PLCL2: variants seen among roughly 807,000 people sequenced by gnomAD.
PLCL2 encodes the protein inactive phospholipase C-like protein 2.
Under a neutral mutation model 79.6 loss-of-function variants are expected in PLCL2, and 4 were observed. The observed-to-expected ratio is 0.05, with a 90% confidence interval of 0.02 to 0.11. The LOEUF is 0.11. Ranked by LOEUF, PLCL2 falls within the 10% of genes least tolerant of loss-of-function variation. The pLI is 1.00. For synonymous variants in PLCL2, 484 were observed against 457.7 expected, an observed-to-expected ratio of 1.06 and a Z score of -0.73; for missense variants, 895 against 1,291.0, an observed-to-expected ratio of 0.69 and a Z score of 4.70.
chr3:17,081,256 C>T, intron 5 of PLCL2: 1 of 456,704 alleles, frequency 2.2e-6, no homozygotes, highest in Non-Finnish European at 4.4e-6. Flanking sequence ...TACCCTCCTC[C>T]TTCTCCTCCC....
chr3:16,992,977 C>A (rs1022294161), intron 1 of PLCL2, among the ~76,000 whole-genome samples: 1 of 152,150 alleles, frequency 6.6e-6, no homozygotes, highest in Non-Finnish European at 1.5e-5. Flanking sequence ...CCAGACTGGA[C>A]AAGGTGAAGC....
At chr3:17,064,467 C>G (rs1474148615) in intron 4 of PLCL2, among the ~76,000 whole-genome samples, 2 of 152,166 alleles carry the variant, frequency 1.3e-5, no homozygotes, top group African/African-American at 4.8e-5. Flanking sequence ...GTGCTGTAGC[C>G]TCTGTCTGCA....
In PLCL2 at chr3:16,953,830, A is replaced by C. The variant is rs538433101; in HGVS notation, c.328-55844A>C. Among the ~76,000 whole-genome samples the C allele has an allele frequency of 7.0e-4, 106 of 152,250 alleles. No homozygotes were observed. The South Asian group carries it at 9.8e-3, about 14-fold the overall frequency. On this transcript the variant is annotated intron_variant, in intron 1 of 5. Coordinates refer to ENST00000615277, the MANE Select transcript of PLCL2 (RefSeq NM_001144382.2). ...TTGTATCTTTTATAGTAGACATAGA[A>C]ATACGTTTTAAGAGAATTTGTTATT...
In PLCL2 at chr3:17,010,521, A is replaced by T. The variant is rs767593656; in HGVS notation, c.1175A>T (p.Lys392Ile). Reference sequence around the variant, plus strand: ...ATTATTCACAAATATGAACCATCCAAAGAGGGTCAGGAAAAGGGCTGGCTC... The same window carrying T: ...ATTATTCACAAATATGAACCATCCATAGAGGGTCAGGAAAAGGGCTGGCTC... ...LEIIHKYEPS[K>I]EGQEKGWLSI... The change falls in exon 2 of 6, where the codon AAA becomes ATA. Residue 392 changes from lysine to isoleucine, a missense_variant. Physicochemically the swap from Lys to Ile is moderately radical, Grantham distance 102 (BLOSUM62 -3). Around this residue, in one of 6 missense-constraint regions of PLCL2, gnomAD observed 242 missense variants for 399.5 expected, o/e 0.61. Coordinates refer to ENST00000615277, the MANE Select transcript of PLCL2 (RefSeq NM_001144382.2). This position sits in a 1 kb window ranked among gnomAD's most constrained non-coding sequence, Gnocchi z 5.8. The T allele has an allele frequency of 1.2e-6, 2 of 1,614,064 alleles. No homozygotes were observed. Among genetic ancestry groups the T allele is most frequent in the Admixed American group, 3.3e-5 (2 of 60,022 alleles).
intron 1 of PLCL2, among the ~76,000 whole-genome samples, chr3:16,980,493 G>T (rs1289592156): frequency 2.1e-5 from 3 of 143,802 alleles, no homozygotes; most frequent in Non-Finnish European, 3.0e-5. Context: ...CTCACATCCC[G>T]GACGGGGCGG....
intron 1 of PLCL2, among the ~76,000 whole-genome samples, chr3:16,984,154 A>G (rs980223467): frequency 6.6e-6 from 1 of 151,586 alleles, no homozygotes; most frequent in African/African-American, 2.4e-5. Context: ...ACATAGCCCC[A>G]GTTGACAGGT....
intron 3 of PLCL2, among the ~76,000 whole-genome samples, chr3:17,029,099 A>T (rs936468707): frequency 6.6e-6 from 1 of 152,076 alleles, no homozygotes; most frequent in Admixed American, 6.6e-5. Context: ...TTATGTTCTA[A>T]GGCAGTGAGG....
Position 17,014,837 on chromosome 3 carries a change from G to C in PLCL2, c.2944G>C (p.Glu982Gln). The change falls in exon 3 of 6, where the codon GAG becomes CAG. Residue 982 changes from glutamate (E) to glutamine (Q), a missense_variant. Around this residue, in one of 6 missense-constraint regions of PLCL2, gnomAD observed 298 missense variants for 459.6 expected, o/e 0.65. Transcript: ENST00000615277. ...NTPLVVLNLS[E>Q]QYPTMELQGI... is the part of the protein sequence containing the mutation. ...ACCCCTAGTGGTCCTAAATCTCAGC[G>C]AGCAGTACCCCACAATGGAGCTGCA... 1 of 1,614,106 alleles carries C rather than the reference G, an allele frequency of 6.2e-7. No homozygotes were observed. Among genetic ancestry groups the C allele is most frequent in the South Asian group, 1.1e-5 (1 of 91,072 alleles).
intron 4 of PLCL2, among the ~76,000 whole-genome samples, chr3:17,062,031 C>T (rs544942586): frequency 1.1e-4 from 16 of 152,214 alleles, no homozygotes; most frequent in Middle Eastern, 3.4e-3. Flanking sequence ...AAAAATAACC[C>T]ACTGCTTTTC....
At chr3:16,966,710 A>C (rs551969309) in intron 1 of PLCL2, among the ~76,000 whole-genome samples, 8 of 152,178 alleles carry the variant, frequency 5.3e-5, no homozygotes, top group African/African-American at 1.7e-4. Flanking sequence ...TCATTGGTCT[A>C]TTCAGAGATT....
At chr3:16,997,245 AG>A (rs889905763) in intron 1 of PLCL2, among the ~76,000 whole-genome samples, 2 of 152,228 alleles carry the variant, frequency 1.3e-5, no homozygotes, top group Admixed American at 1.3e-4. Flanking sequence ...TCCCTTTAAA[AG>A]TTTACCTTCT....
At chr3:17,079,914 C>T (rs1171967431) in intron 5 of PLCL2, among the ~76,000 whole-genome samples, 1 of 152,174 alleles carries the variant, frequency 6.6e-6, no homozygotes, top group Non-Finnish European at 1.5e-5. Context: ...ATCATCAAGA[C>T]ACTGCCTCGA....
chr3:17,034,927 G>A lies in PLCL2; in HGVS notation c.3019-7947G>A, dbSNP rs540085031. ...ACTCACTCTCCCAGCACCTCTCTCTGTACACGCCTGTAAATGTTTAGCATC... is the reference window on the plus strand; with the variant it reads ...ACTCACTCTCCCAGCACCTCTCTCTATACACGCCTGTAAATGTTTAGCATC... On this transcript the variant is annotated intron_variant, in intron 3 of 5. Transcript: ENST00000615277. 2.0e-5 allele frequency among the ~76,000 whole-genome samples: 3 copies of A among 152,010 alleles called. No homozygotes were observed. In the East Asian group the frequency reaches 5.8e-4, roughly 29 times the overall value.
At chr3:17,052,485 A>G (rs1048239600) in intron 4 of PLCL2, among the ~76,000 whole-genome samples, 4 of 152,202 alleles carry the variant, frequency 2.6e-5, no homozygotes, top group Admixed American at 1.3e-4. Context: ...TTTTATGACA[A>G]AGATCCTCCT....
chr3:17,077,059 T>C (rs2065115581), intron 5 of PLCL2, among the ~76,000 whole-genome samples: 1 of 152,150 alleles, frequency 6.6e-6, no homozygotes, highest in Non-Finnish European at 1.5e-5. Flanking sequence ...CACTGTCGGC[T>C]CCCTGAACTC....
chr3:17,025,216 A>G (rs932728810), intron 3 of PLCL2, among the ~76,000 whole-genome samples: 4 of 152,152 alleles, frequency 2.6e-5, no homozygotes, highest in Non-Finnish European at 4.4e-5. Context: ...TAGAATCCTT[A>G]TGTTCTTGAT....
intron 5 of PLCL2, among the ~76,000 whole-genome samples, chr3:17,079,429 C>T (rs1257185947): frequency 2.0e-5 from 3 of 152,218 alleles, no homozygotes; most frequent in East Asian, 1.9e-4. Flanking sequence ...GGAATTTAGC[C>T]CTTCCCATGG....
At chr3:16,936,658 T>C (rs1048974883) in intron 1 of PLCL2, among the ~76,000 whole-genome samples, 3 of 152,206 alleles carry the variant, frequency 2.0e-5, no homozygotes, top group African/African-American at 7.2e-5. Context: ...GGAGATAATT[T>C]TGGGGTGCAT....
chr3:16,975,748 G>A (rs2063919270), intron 1 of PLCL2, among the ~76,000 whole-genome samples: 1 of 152,152 alleles, frequency 6.6e-6, no homozygotes, highest in Non-Finnish European at 1.5e-5. Flanking sequence ...TGATTGCATT[G>A]GGAAAAGGAA....
Sources: gnomAD v4.1 joint callset for allele counts (sites outside exome capture counted in the v4.1 genomes callset) on GRCh38, gnomAD v4.1.1 for gene constraint, gnomAD v4.1.1 regional missense constraint, Gnocchi (gnomAD v3.1) non-coding constraint, MANE v1.5 for transcripts, NCBI Gene and HGNC (gene_info 2026-07-23, HGNC 2026-07-21) for gene names.